The following FOXP1 variants were observed in gnomAD, a reference collection of about 807,000 sequenced individuals.
The protein encoded by FOXP1 is forkhead box P1, also known as forkhead box protein P1.
Under a neutral mutation model 98.2 loss-of-function variants are expected in FOXP1, and 15 were observed. The ratio of observed to expected loss-of-function variants is 0.15; its 90% CI spans 0.10 to 0.24. The LOEUF is 0.24. FOXP1 is among the 10% of genes least tolerant of loss of function. The probability of loss-of-function intolerance (pLI) is 1.00; values close to 1 mark genes in which losing one functional copy is unlikely to be tolerated. For missense variants in FOXP1, 633 were observed against 848.5 expected (o/e 0.75, Z 3.15); for synonymous variants, 371 against 314.5 (o/e 1.18, Z -1.90).
intron 4 of FOXP1, among the ~76,000 whole-genome samples, chr3:71,310,318 G>T (rs2074594235): frequency 6.6e-6 from 1 of 152,190 alleles, no homozygotes; most frequent in Admixed American, 6.5e-5. Flanking sequence ...TGTTTGTGGG[G>T]ATCTAATTGC....
intron 5 of FOXP1, among the ~76,000 whole-genome samples, chr3:71,290,944 T>C (rs1305508586): frequency 6.6e-6 from 1 of 152,226 alleles, no homozygotes; most frequent in Non-Finnish European, 1.5e-5. Context: ...TTAAGGACAC[T>C]GCTTCGGCCA....
rs1448298949 is a variant in FOXP1 at position 71,339,336 on chromosome 3, T to C, written c.-73+19814A>G. ...AACTTCCAAACATCTTTACCACTGT[T>C]TAATTTGTCAAAATCTATCAAGAGC... On this transcript the variant is annotated intron_variant, in intron 4 of 20. Transcript: ENST00000649528. Among the ~76,000 whole-genome samples, 3 of 152,350 alleles carry C rather than the reference T, an allele frequency of 2.0e-5. No homozygotes were observed. The East Asian group carries it at 5.8e-4, about 29-fold the overall frequency.
chr3:71,406,411 A>ATATATG (rs1553874218), intron 3 of FOXP1, among the ~76,000 whole-genome samples: 2 of 134,854 alleles, frequency 1.5e-5, no homozygotes, highest in African/African-American at 5.5e-5. Flanking sequence ...ATGTGTATAT[A>ATATATG]TATATATATA....
chr3:71,238,116 AC>A (rs2106864028), intron 5 of FOXP1, among the ~76,000 whole-genome samples: 2 of 152,364 alleles, frequency 1.3e-5, no homozygotes, highest in South Asian at 4.1e-4. Flanking sequence ...CAGTAAGTTA[AC>A]TAATTTAAGA....
intron 5 of FOXP1, among the ~76,000 whole-genome samples, chr3:71,202,830 T>A (rs2063758907): frequency 6.6e-6 from 1 of 152,230 alleles, no homozygotes; most frequent in Non-Finnish European, 1.5e-5. Context: ...TGCAAACAAC[T>A]GTCTTTTTCT....
chr3:71,066,820 A>G (rs144959347), intron 7 of FOXP1, among the ~76,000 whole-genome samples: 1 of 152,348 alleles, frequency 6.6e-6, no homozygotes, highest in African/African-American at 2.4e-5. Context: ...CAGAAGGTGG[A>G]CTAACTCCTT....
intron 5 of FOXP1, among the ~76,000 whole-genome samples, chr3:71,246,610 C>T (rs2067767990): frequency 6.6e-6 from 1 of 152,154 alleles, no homozygotes; most frequent in Admixed American, 6.5e-5. Context: ...TAGGTTTTAA[C>T]CCCAAATACC....
At chr3:71,252,284 A>T (rs2068263158) in intron 5 of FOXP1, among the ~76,000 whole-genome samples, 1 of 152,208 alleles carries the variant, frequency 6.6e-6, no homozygotes, top group Non-Finnish European at 1.5e-5. Flanking sequence ...CTCAGACATT[A>T]TTAAGATGCC....
chr3:71,243,182 G>A (rs1361745850), intron 5 of FOXP1, among the ~76,000 whole-genome samples: 2 of 152,132 alleles, frequency 1.3e-5, no homozygotes, highest in African/African-American at 4.8e-5. Context: ...AGCAGTACTC[G>A]ATCCTGTTTG....
rs2087523469 is a variant in FOXP1, at chr3:71,456,515, G to T, written c.-168+36911C>A. Among the ~76,000 whole-genome samples the T allele has an allele frequency of 2.6e-5, 4 of 152,132 alleles. No individual in the cohort carries two copies. The South Asian group carries it at 8.3e-4, about 32-fold the overall frequency. On this transcript the variant is annotated intron_variant, in intron 3 of 20. Transcript: ENST00000649528. ...TTTGTTTTACATGTTCCCCTTGAGG[G>T]TCAGCCCTTCCTTTTCTCTCCTAGA...
chr3:71,527,194 C>G (rs1038870209), intron 2 of FOXP1, among the ~76,000 whole-genome samples: 1 of 152,126 alleles, frequency 6.6e-6, no homozygotes, highest in Non-Finnish European at 1.5e-5. Flanking sequence ...CAATTTCACA[C>G]CAGAGCAGCC....
chr3:71,302,120 T>C (rs1018668599), intron 4 of FOXP1, among the ~76,000 whole-genome samples: 1 of 152,250 alleles, frequency 6.6e-6, no homozygotes, highest in African/African-American at 2.4e-5. Context: ...AATTTATTTC[T>C]GTTGATTTTC....
At chr3:71,151,310 T>C (rs927827336) in intron 6 of FOXP1, among the ~76,000 whole-genome samples, 1 of 152,178 alleles carries the variant, frequency 6.6e-6, no homozygotes, top group African/African-American at 2.4e-5. Context: ...CCCATATAAG[T>C]TAAATTGGCA....
intron 6 of FOXP1, among the ~76,000 whole-genome samples, chr3:71,117,771 C>T (rs984370068): frequency 1.3e-5 from 2 of 152,152 alleles, no homozygotes; most frequent in African/African-American, 4.8e-5. Flanking sequence ...GTTGAGTCAA[C>T]ACTTCCTTTA....
intron 14 of FOXP1, among the ~76,000 whole-genome samples, chr3:70,985,827 C>T (rs1559644820): frequency 1.3e-5 from 2 of 151,998 alleles, no homozygotes; most frequent in South Asian, 2.1e-4. Flanking sequence ...TGGCTTGTAG[C>T]GCTGCTCTAG....
intron 5 of FOXP1, among the ~76,000 whole-genome samples, chr3:71,240,953 G>A (rs2067224321): frequency 1.3e-5 from 2 of 151,686 alleles, no homozygotes; most frequent in African/African-American, 4.8e-5. Flanking sequence ...TCTCACGCCT[G>A]TAATCCCAGC....
At chr3:71,459,694 G>C (rs969536472) in intron 3 of FOXP1, among the ~76,000 whole-genome samples, 1 of 152,008 alleles carries the variant, frequency 6.6e-6, no homozygotes, top group African/African-American at 2.4e-5. Flanking sequence ...TTCAAATACA[G>C]CTAAAATAAA....
intron 11 of FOXP1, among the ~76,000 whole-genome samples, chr3:71,031,262 G>A (rs929174944): frequency 6.6e-6 from 1 of 152,150 alleles, no homozygotes; most frequent in Non-Finnish European, 1.5e-5. Context: ...GAGAGAGATC[G>A]GCTTGCCATT....
intron 7 of FOXP1, among the ~76,000 whole-genome samples, chr3:71,097,953 G>A (rs2056616758): frequency 1.3e-5 from 2 of 152,246 alleles, no homozygotes; most frequent in South Asian, 4.1e-4. Context: ...TTTTTCCAGT[G>A]AGACAGACTA....
Sources: allele counts gnomAD v4.1 joint callset (sites outside exome capture counted in the v4.1 genomes callset), GRCh38; gene constraint gnomAD v4.1.1; transcripts MANE v1.5; gene names NCBI Gene and HGNC (gene_info 2026-07-23, HGNC 2026-07-21).